NUP214: variants seen among roughly 807,000 people sequenced by gnomAD.
NUP214 encodes nuclear pore complex protein Nup214.
In NUP214, 79 loss-of-function variants were observed where a neutral mutation model predicts 196.2. That is an observed-to-expected ratio of 0.40 (90% CI 0.34 to 0.49). NUP214 has a LOEUF of 0.49. Ranked by LOEUF, NUP214 falls within the 20% of genes least tolerant of loss-of-function variation. The pLI is 0.58. For missense variants in NUP214, 2,468 were observed against 2,539.0 expected (o/e 0.97, Z 0.60); for synonymous variants, 1,020 against 990.5 (o/e 1.03, Z -0.56).
In NUP214 at chr9:131,147,575, C is replaced by T. The variant is rs758868367; in HGVS notation, c.2031C>T (p.Gly677=). ...PRITPPAAKP[G]SPQAKSLQPA... ...TAACCCCTCCAGCGGCAAAGCCAGG[C>T]TCTCCCCAGGTATGTTTAAATTCAG... is the stretch of plus-strand genomic sequence containing the variant. Residue 677 remains glycine (G), a synonymous_variant, in exon 14 of 36, where the codon GGC becomes GGT. Coordinates refer to ENST00000359428, the MANE Select transcript of NUP214 (RefSeq NM_005085.4). The T allele has an allele frequency of 3.1e-6, 5 of 1,611,924 alleles. No individual in the cohort carries two copies. The highest frequency in any genetic ancestry group is 2.7e-5 in the African/African-American group (2 of 74,886).
chr9:131,176,702 A>G (rs958995777), intron 23 of NUP214, among the ~76,000 whole-genome samples: 1 of 152,238 alleles, frequency 6.6e-6, no homozygotes, highest in East Asian at 1.9e-4. Flanking sequence ...AGCACTTAAC[A>G]TTTCGTCAGT....
Position 131,206,148 on chromosome 9 carries a change from C to CTTTTT in NUP214, c.5592+4441_5592+4445dup, listed in dbSNP as rs71265048. 2.5e-4 allele frequency among the ~76,000 whole-genome samples: 19 copies of CTTTTT among 76,384 alleles called. 1 individual carries two copies. The East Asian group carries it at 3.4e-3, about 13-fold the overall frequency. 50.1% of individuals were successfully genotyped at this position (76,384 alleles called of 152,430 possible). On this transcript the variant is annotated intron_variant, in intron 30 of 35. Transcript: ENST00000359428. ...TCCACATAGAATTTTTTTCTTTTTTCTTTTTTTTTTTTTTGAGACAGGGTT... is the reference window on the plus strand; with the variant it reads ...TCCACATAGAATTTTTTTCTTTTTTCTTTTTTTTTTTTTTTTTTTGAGACAGGGTT...
rs1460778510 is a variant in NUP214 at position 131,198,497 on chromosome 9, C to T, written c.5003C>T (p.Pro1668Leu). 1.2e-6 allele frequency: 2 copies of T among 1,614,132 alleles called. No individual in the cohort carries two copies. Among genetic ancestry groups the T allele is most frequent in the Non-Finnish European group, 1.7e-6 (2 of 1,180,052 alleles). ...NQLTNNTATA[P>L]SATPVFGQVA... ...CTCACCAACAACACAGCCACTGCCC[C>T]CTCTGCCACGCCCGTGTTTGGGCAA... The change falls in exon 29 of 36, where the codon CCC becomes CTC. Residue 1668 changes from proline (P) to leucine (L), a missense_variant. Transcript: ENST00000359428.
At chr9:131,162,906 C>T in intron 18 of NUP214, 85 bp from the exon 19 acceptor site, 1 of 1,251,208 alleles carries the variant, frequency 8.0e-7, no homozygotes, top group East Asian at 2.3e-5. Context: ...TCACTGTTAC[C>T]ATTGTAGTCT....
chr9:131,133,194 G>C lies in NUP214; in HGVS notation c.816G>C (p.Val272=). The C allele has an allele frequency of 1.9e-6, 3 of 1,580,560 alleles. No homozygotes were observed. The highest frequency in any genetic ancestry group is 1.2e-5 in the South Asian group (1 of 85,720). Residue 272 remains valine (V), a synonymous_variant, in exon 7 of 36, where the codon GTG becomes GTC. Coordinates refer to ENST00000359428, the MANE Select transcript of NUP214 (RefSeq NM_005085.4). ...CCCTGGAAACGTCTCCAGATGTGGT[G>C]ATGGCTCTACTACCGGTATGCCTGT... ...DGTLETSPDV[V]MALLPKKEEK...
In NUP214 at chr9:131,198,251, C is replaced by T; in HGVS notation, c.4757C>T (p.Ser1586Phe). The T allele has an allele frequency of 6.2e-7, 1 of 1,614,214 alleles. No individual in the cohort carries two copies. Among genetic ancestry groups the T allele is most frequent in the Non-Finnish European group, 8.5e-7 (1 of 1,180,034 alleles). Residue 1586 changes from serine to phenylalanine, a missense_variant, in exon 29 of 36, where the codon TCC becomes TTC. This residue lies in a region of NUP214 where 1,801 missense variants were observed against 1,779.4 expected (regional missense o/e 1.01). Transcript: ENST00000359428. ...AGGACGGAGGCAGTACCACCTGCTTCCTCCTTTTCTGTGCCTGGGCAGACT... is the reference window on the plus strand; with the variant it reads ...AGGACGGAGGCAGTACCACCTGCTTTCTCCTTTTCTGTGCCTGGGCAGACT... Reference protein sequence around the residue: ...DARTEAVPPASSFSVPGQTAV... With the variant: ...DARTEAVPPAFSFSVPGQTAV...
At chr9:131,139,158 C>T (rs1377440866) in intron 9 of NUP214, 123 bp from the exon 10 acceptor site, 1 of 1,150,680 alleles carries the variant, frequency 8.7e-7, no homozygotes, top group South Asian at 2.4e-5. Context: ...GAGTCTAAAC[C>T]AAGTGAGTCA....
chr9:131,214,802 T>C (rs1834345804), intron 30 of NUP214, among the ~76,000 whole-genome samples: 1 of 152,352 alleles, frequency 6.6e-6, no homozygotes, highest in South Asian at 2.1e-4. Flanking sequence ...CCATTGCTAA[T>C]GAGTTCAGCC....
rs187638377 is a variant in NUP214, at chr9:131,224,868, C to T, written c.5902+1938C>T. Among the ~76,000 whole-genome samples, 388 of 152,322 alleles carry T rather than the reference C, an allele frequency of 2.5e-3. 4 individuals are homozygous for T. The highest frequency in any genetic ancestry group is 9.1e-3 in the African/African-American group (377 of 41,578). On this transcript the variant is annotated intron_variant, in intron 32 of 35. Transcript: ENST00000359428. ...TTTCAACTGGGGAATTTTAGTTCATCGATCATCAAGACTTTTTATGTTTTT... is the reference window on the plus strand; with the variant it reads ...TTTCAACTGGGGAATTTTAGTTCATTGATCATCAAGACTTTTTATGTTTTT...
At chr9:131,215,952 G>A (rs1230453328) in intron 31 of NUP214, among the ~76,000 whole-genome samples, 1 of 145,366 alleles carries the variant, frequency 6.9e-6, no homozygotes, top group Admixed American at 7.0e-5. Context: ...GCCCAGGCTG[G>A]TGTGCAATGG....
chr9:131,165,100 A>T (rs1832750583), intron 21 of NUP214: 1 of 152,164 alleles, frequency 6.6e-6, no homozygotes, highest in South Asian at 2.1e-4. Context: ...TTGGTAGGTA[A>T]TTGGGAAAAA....
chr9:131,134,960 C>T lies in NUP214; in HGVS notation c.894C>T (p.Cys298=). 1 of 1,613,756 alleles carries T rather than the reference C, an allele frequency of 6.2e-7. No individual in the cohort carries two copies. The highest frequency in any genetic ancestry group is 8.5e-7 in the Non-Finnish European group (1 of 1,179,788). Residue 298 remains cysteine (C), a synonymous_variant, in exon 8 of 36, where the codon TGC becomes TGT. Coordinates refer to ENST00000359428, the MANE Select transcript of NUP214 (RefSeq NM_005085.4). ...TTATGGAGCCCTGTTATGGCAGCTG[C>T]ACGGAGAGACAGCATCATTACTACC... ...VNFMEPCYGS[C]TERQHHYYLS...
intron 17 of NUP214, among the ~76,000 whole-genome samples, chr9:131,152,205 C>T (rs1333437350): frequency 6.6e-6 from 1 of 152,140 alleles, no homozygotes; most frequent in Admixed American, 6.5e-5. Flanking sequence ...GCCTTACTTC[C>T]TGGGCTTACG....
At chr9:131,128,799 GATA>G in intron 3 of NUP214, 1 of 293,106 alleles carries the variant, frequency 3.4e-6, no homozygotes, top group South Asian at 4.8e-5. Flanking sequence ...GTTTAAGAAT[GATA>G]ATAATAGTGA....
Position 131,232,720 on chromosome 9 carries a change from T to A in NUP214, c.6239+412T>A, listed in dbSNP as rs1283833004. Reference sequence around the variant, plus strand: ...TGTGTAAAATTTCATGGCGTTAAAATTCAGTCTTAGCCAGGTGGGTGGTTC... The same window carrying A: ...TGTGTAAAATTTCATGGCGTTAAAAATCAGTCTTAGCCAGGTGGGTGGTTC... On this transcript the variant is annotated intron_variant, in intron 35 of 35. Transcript: ENST00000359428. The surrounding 1 kb of genome is among the most constrained non-coding windows in gnomAD (Gnocchi z 5.1). 1 of 263,020 alleles carries A rather than the reference T, an allele frequency of 3.8e-6. No individual in the cohort carries two copies. The highest frequency in any genetic ancestry group is 2.2e-5 in the African/African-American group (1 of 44,666). 16.3% of individuals were successfully genotyped at this position (263,020 alleles called of 1,614,324 possible). A position where few individuals can be genotyped will look rare whatever the true frequency, so the allele number is the denominator to read the frequency against.
intron 17 of NUP214, among the ~76,000 whole-genome samples, chr9:131,156,355 A>G (rs560001059): frequency 1.3e-5 from 2 of 151,428 alleles, no homozygotes; most frequent in African/African-American, 4.8e-5. Flanking sequence ...GATGGTCTCG[A>G]TCTCCTGACC....
intron 29 of NUP214, among the ~76,000 whole-genome samples, chr9:131,200,686 G>A (rs560608946): frequency 8.1e-4 from 123 of 152,214 alleles, no homozygotes; most frequent in African/African-American, 2.9e-3. Flanking sequence ...TCCAGCCTGG[G>A]CAATAGAGCG....
chr9:131,183,732 A>G (rs1252337260), intron 24 of NUP214, among the ~76,000 whole-genome samples: 2 of 152,192 alleles, frequency 1.3e-5, no homozygotes, highest in Non-Finnish European at 2.9e-5. Context: ...AGGAACTTTA[A>G]TCCTTTTGTT....
rs747318807 is a variant in NUP214 at position 131,174,210 on chromosome 9, C to T, written c.3049C>T (p.Pro1017Ser). ...EAVVQAPRHA[P>S]VVRTPSIQPS... ...AGTGGTTCAGGCCCCTCGGCACGCC[C>T]CCGTGGTTCGCACTCCTTCCATCCA... is the stretch of plus-strand genomic sequence containing the variant. Residue 1017 changes from proline (P) to serine (S), a missense_variant, in exon 22 of 36, where the codon CCC becomes TCC. Physicochemically the swap from Pro to Ser is moderately conservative, Grantham distance 74. Around this residue, in one of 5 missense-constraint regions of NUP214, gnomAD observed 1,801 missense variants for 1,779.4 expected, o/e 1.01. Transcript: ENST00000359428. 1.2e-6 allele frequency: 2 copies of T among 1,613,948 alleles called. No homozygotes were observed. The highest frequency in any genetic ancestry group is 1.7e-6 in the Non-Finnish European group (2 of 1,179,974).
Sources: allele counts gnomAD v4.1 joint callset (sites outside exome capture counted in the v4.1 genomes callset), GRCh38; gene constraint gnomAD v4.1.1; regional missense constraint gnomAD v4.1.1; non-coding constraint Gnocchi (gnomAD v3.1); transcripts MANE v1.5; gene names NCBI Gene and HGNC (gene_info 2026-07-23, HGNC 2026-07-21).